Variants in NPAS3 observed in about 807,000 individuals in gnomAD.
The protein encoded by NPAS3 is neuronal PAS domain-containing protein 3.
A neutral mutation model predicts 73.1 loss-of-function variants in NPAS3; 14 were observed. That is an observed-to-expected ratio of 0.19 (90% CI 0.13 to 0.30). NPAS3 has a LOEUF of 0.30. Among genes scored for constraint, NPAS3 ranks in the 10% least tolerant of loss-of-function variants. The pLI is 1.00. For synonymous variants in NPAS3, 620 were observed against 541.5 expected, an observed-to-expected ratio of 1.14 and a Z score of -2.01; for missense variants, 1,096 against 1,250.0, an observed-to-expected ratio of 0.88 and a Z score of 1.86.
chr14:33,640,781 G>A lies in NPAS3; in HGVS notation c.559-35430G>A, dbSNP rs571408111. The stretch of plus-strand genomic sequence containing the variant: ...CTGCTGTCTGGGAGTTGAAAATCTC[G>A]TTGTACAAATACTCAAACATGAAAC... On this transcript the variant is annotated intron_variant, in intron 5 of 11. Transcript: ENST00000356141. Among the ~76,000 whole-genome samples the A allele has an allele frequency of 3.3e-4, 50 of 152,248 alleles. 1 individual carries two copies. The South Asian group carries it at 9.1e-3, about 28-fold the overall frequency.
intron 3 of NPAS3, among the ~76,000 whole-genome samples, chr14:33,339,263 A>C (rs1392121728): frequency 6.6e-6 from 1 of 152,164 alleles, no homozygotes; most frequent in Non-Finnish European, 1.5e-5. Flanking sequence ...TTTCAACTGA[A>C]GAGAGTTGTG....
intron 1 of NPAS3, among the ~76,000 whole-genome samples, chr14:33,021,226 G>A (rs1401510032): frequency 6.6e-6 from 1 of 152,200 alleles, no homozygotes; most frequent in East Asian, 1.9e-4. Flanking sequence ...ATCATCAGCA[G>A]CAGCAGCGTG....
chr14:33,283,371 T>C (rs929056004), intron 3 of NPAS3, among the ~76,000 whole-genome samples: 2 of 152,250 alleles, frequency 1.3e-5, no homozygotes, highest in Admixed American at 1.3e-4. Context: ...TTCTATGATA[T>C]AGGCGTTATT....
intron 4 of NPAS3, among the ~76,000 whole-genome samples, chr14:33,480,524 T>TCCCCCTCC (rs2051266977): frequency 1.5e-5 from 1 of 65,384 alleles, no homozygotes; most frequent in African/African-American, 5.1e-5. Context: ...TCCCCCACTC[T>TCCCCCTCC]CCCCCTCCCC....
intron 3 of NPAS3, among the ~76,000 whole-genome samples, chr14:33,271,932 G>A (rs1041829246): frequency 6.6e-6 from 1 of 152,098 alleles, no homozygotes; most frequent in African/African-American, 2.4e-5. Flanking sequence ...AAAAGATCAA[G>A]CTGATTGTTA....
At chr14:33,535,514 C>T (rs936936541) in intron 4 of NPAS3, among the ~76,000 whole-genome samples, 2 of 152,140 alleles carry the variant, frequency 1.3e-5, no homozygotes, top group African/African-American at 2.4e-5. Context: ...CAAGAGAACA[C>T]CGACTATCTG....
intron 4 of NPAS3, among the ~76,000 whole-genome samples, chr14:33,409,946 T>C (rs962038478): frequency 6.6e-6 from 1 of 152,182 alleles, no homozygotes; most frequent in African/African-American, 2.4e-5. Context: ...GGAGTTGGTA[T>C]GTTAATTAAA....
At chr14:33,798,069 G>A (rs2063566475) in intron 11 of NPAS3, among the ~76,000 whole-genome samples, 1 of 151,890 alleles carries the variant, frequency 6.6e-6, no homozygotes, top group Non-Finnish European at 1.5e-5. Context: ...CAGGTACTAG[G>A]GCCAGCTCCA....
chr14:33,512,830 T>G (rs2053122791), intron 4 of NPAS3, among the ~76,000 whole-genome samples: 1 of 152,078 alleles, frequency 6.6e-6, no homozygotes, highest in African/African-American at 2.4e-5. Flanking sequence ...TTAGACTTCT[T>G]ATTTTACAGA....
intron 1 of NPAS3, among the ~76,000 whole-genome samples, chr14:32,983,783 A>G (rs1015955405): frequency 6.6e-6 from 1 of 152,112 alleles, no homozygotes; most frequent in Non-Finnish European, 1.5e-5. Flanking sequence ...GTGCAGTGGC[A>G]TGATCTTGGC....
chr14:33,780,203 T>C (rs1156406216), intron 9 of NPAS3, among the ~76,000 whole-genome samples: 2 of 152,234 alleles, frequency 1.3e-5, no homozygotes, highest in African/African-American at 4.8e-5. Flanking sequence ...GTCTTGATAT[T>C]GCACACCAGG....
At chr14:33,456,432 G>T (rs1280726027) in intron 4 of NPAS3, among the ~76,000 whole-genome samples, 3 of 152,064 alleles carry the variant, frequency 2.0e-5, no homozygotes, top group African/African-American at 7.2e-5. Context: ...TTTTAAAATG[G>T]GGCAGCTCTT....
chr14:33,519,425 C>T (rs1449314651), intron 4 of NPAS3, among the ~76,000 whole-genome samples: 1 of 152,054 alleles, frequency 6.6e-6, no homozygotes, highest in Non-Finnish European at 1.5e-5. Context: ...TTCCAGAGAT[C>T]TAGGAAGTAA....
chr14:33,468,926 G>A (rs182390918), intron 4 of NPAS3, among the ~76,000 whole-genome samples: 2 of 152,146 alleles, frequency 1.3e-5, no homozygotes, highest in East Asian at 3.9e-4. Context: ...GTTAAGACCC[G>A]GTTGGAATCC....
At chr14:33,244,716 T>C (rs767919686) in intron 3 of NPAS3, among the ~76,000 whole-genome samples, 7 of 152,170 alleles carry the variant, frequency 4.6e-5, no homozygotes, top group Non-Finnish European at 1.0e-4. Context: ...CTTTCTTCTA[T>C]ACCACTTTAC....
At chr14:33,743,996 T>G (rs571718251) in intron 7 of NPAS3, among the ~76,000 whole-genome samples, 1 of 152,370 alleles carries the variant, frequency 6.6e-6, no homozygotes, top group Non-Finnish European at 1.5e-5. Context: ...TGGTTTGGTC[T>G]TCTATCCAGA....
At chr14:33,359,395 TA>T (rs752942297) in intron 3 of NPAS3, among the ~76,000 whole-genome samples, 19 of 152,196 alleles carry the variant, frequency 1.2e-4, no homozygotes, top group Non-Finnish European at 2.5e-4. Flanking sequence ...GACTGAAAAC[TA>T]AAAAATCAAG....
In NPAS3 at chr14:33,588,562, A is replaced by C. The variant is rs2139927936; in HGVS notation, c.558+28352A>C. 1.3e-5 allele frequency among the ~76,000 whole-genome samples: 2 copies of C among 152,268 alleles called. 1 individual carries two copies. The highest frequency in any genetic ancestry group is 6.8e-3 in the Middle Eastern group (2 of 294). ...ATTCCTTCTGCTGTTAGCAGCTTGT[A>C]GGTTTTCTGAAAGCTATGAAAGATT... is the stretch of plus-strand genomic sequence containing the variant. On this transcript the variant is annotated intron_variant, in intron 5 of 11. Transcript: ENST00000356141.
intron 4 of NPAS3, among the ~76,000 whole-genome samples, chr14:33,418,516 T>C (rs531930354): frequency 4.6e-5 from 7 of 151,966 alleles, no homozygotes; most frequent in Non-Finnish European, 1.0e-4. Context: ...TCAAATACTT[T>C]TTACAAACAT....
Sources: gnomAD v4.1 joint callset for allele counts (sites outside exome capture counted in the v4.1 genomes callset) on GRCh38, gnomAD v4.1.1 for gene constraint, MANE v1.5 for transcripts, NCBI Gene and HGNC (gene_info 2026-07-23, HGNC 2026-07-21) for gene names.